EBF2: variants seen among roughly 807,000 people sequenced by gnomAD.
The protein encoded by EBF2 is EBF transcription factor 2, also known as transcription factor COE2.
In EBF2, 21 loss-of-function variants were observed where a neutral mutation model predicts 72.8. The observed-to-expected ratio is 0.29, with a 90% CI of 0.20 to 0.42. The LOEUF is 0.42. Ranked by LOEUF, EBF2 falls within the 10% of genes least tolerant of loss-of-function variation. EBF2 has a pLI of 1.00. For synonymous variants in EBF2, 299 were observed against 274.2 expected, an observed-to-expected ratio of 1.09 and a Z score of -0.89; for missense variants, 637 against 731.2, an observed-to-expected ratio of 0.87 and a Z score of 1.49.
intron 7 of EBF2, among the ~76,000 whole-genome samples, chr8:25,903,512 G>A (rs1017609204): frequency 6.7e-6 from 1 of 148,230 alleles, no homozygotes; most frequent in African/African-American, 2.5e-5. Flanking sequence ...TGGCTAACAC[G>A]GTGAAACCCC....
At chr8:25,857,266 TAG>T (rs1802112925) in intron 14 of EBF2, among the ~76,000 whole-genome samples, 1 of 152,004 alleles carries the variant, frequency 6.6e-6, no homozygotes, top group Non-Finnish European at 1.5e-5. Context: ...CCGTGTAGTG[TAG>T]AGTGTATGCA....
chr8:25,924,168 C>T (rs56260322), intron 6 of EBF2, among the ~76,000 whole-genome samples: 144 of 152,236 alleles, frequency 9.5e-4, no homozygotes, highest in African/African-American at 3.1e-3. Flanking sequence ...CATACAAGTC[C>T]CCTCACATAT....
At chr8:25,848,846 C>T (rs904247795) in intron 15 of EBF2, among the ~76,000 whole-genome samples, 4 of 152,072 alleles carry the variant, frequency 2.6e-5, no homozygotes, top group South Asian at 2.1e-4. Context: ...GGCCTCCACT[C>T]GGGTTAAGGT....
intron 4 of EBF2, 37 bp downstream of exon 4, chr8:26,040,579 A>G: frequency 6.5e-7 from 1 of 1,547,072 alleles, no homozygotes; most frequent in Non-Finnish European, 8.7e-7. Flanking sequence ...TCGGGGTCAG[A>G]GACAGGCGAA....
intron 7 of EBF2, among the ~76,000 whole-genome samples, chr8:25,897,469 G>A (rs569926211): frequency 1.3e-5 from 2 of 152,246 alleles, no homozygotes; most frequent in East Asian, 1.9e-4. Flanking sequence ...CACCCAGGTA[G>A]TGAGCATAAT....
chr8:25,884,785 A>T (rs1391847474), intron 10 of EBF2, among the ~76,000 whole-genome samples: 1 of 152,174 alleles, frequency 6.6e-6, no homozygotes, highest in Non-Finnish European at 1.5e-5. Context: ...AACACCTGAG[A>T]TGTGCTTATC....
intron 6 of EBF2, among the ~76,000 whole-genome samples, chr8:25,958,757 G>T (rs1027372252): frequency 6.6e-6 from 1 of 152,134 alleles, no homozygotes; most frequent in South Asian, 2.1e-4. Context: ...GTAGAACGGC[G>T]GCTTTCCCTT....
intron 6 of EBF2, among the ~76,000 whole-genome samples, chr8:26,018,980 A>G (rs1466942254): frequency 6.6e-6 from 1 of 151,052 alleles, no homozygotes; most frequent in Non-Finnish European, 1.5e-5. Flanking sequence ...AACACTGGGA[A>G]GGTATTAGGC....
rs530998978 is a variant in EBF2, at chr8:25,942,758, C to T, written c.552-34203G>A. Among the ~76,000 whole-genome samples, 57 of 152,256 alleles carry T rather than the reference C, an allele frequency of 3.7e-4. No homozygotes were observed. The South Asian group carries it at 6.8e-3, about 18-fold the overall frequency. ...CAAGGTGCAGAGCAGCTGTGAAAAC[C>T]GGAACAGCCTTCGTTCCTGCGGGCT... On this transcript the variant is annotated intron_variant, in intron 6 of 15. Transcript: ENST00000520164.
intron 6 of EBF2, among the ~76,000 whole-genome samples, chr8:25,954,056 G>A (rs1563411992): frequency 1.3e-5 from 2 of 152,124 alleles, no homozygotes; most frequent in Non-Finnish European, 2.9e-5. Context: ...GTTACACAGT[G>A]CAGAGACTCG....
chr8:25,866,461 A>T (rs990278535), intron 10 of EBF2, among the ~76,000 whole-genome samples: 10 of 142,382 alleles, frequency 7.0e-5, no homozygotes, highest in East Asian at 5.9e-4. Flanking sequence ...TATATATATA[A>T]TATATAGGAT....
intron 6 of EBF2, among the ~76,000 whole-genome samples, chr8:26,026,037 G>A (rs781021963): frequency 1.4e-4 from 22 of 152,048 alleles, no homozygotes; most frequent in Non-Finnish European, 2.5e-4. Flanking sequence ...AAGATAGCCC[G>A]GCATAGTGGC....
chr8:25,959,809 G>T (rs150559552), intron 6 of EBF2, among the ~76,000 whole-genome samples: 1 of 152,160 alleles, frequency 6.6e-6, no homozygotes, highest in East Asian at 1.9e-4. Context: ...AAAATGGAAG[G>T]GCTTACAGTC....
At chr8:25,985,825 C>A (rs927011649) in intron 6 of EBF2, among the ~76,000 whole-genome samples, 1 of 147,132 alleles carries the variant, frequency 6.8e-6, no homozygotes, top group African/African-American at 2.5e-5. Flanking sequence ...CACAGAGAGA[C>A]CCCCCATCTC....
intron 6 of EBF2, among the ~76,000 whole-genome samples, chr8:26,018,756 C>A (rs1466244387): frequency 4.0e-5 from 6 of 151,860 alleles, no homozygotes; most frequent in Non-Finnish European, 5.9e-5. Context: ...TAGTTGGTAG[C>A]ACTTCTCATG....
intron 6 of EBF2, among the ~76,000 whole-genome samples, chr8:26,015,197 A>G (rs1422379349): frequency 6.6e-6 from 1 of 152,200 alleles, no homozygotes; most frequent in Non-Finnish European, 1.5e-5. Context: ...GTAGGCCAAG[A>G]AAATAATAGT....
intron 6 of EBF2, among the ~76,000 whole-genome samples, chr8:25,925,080 C>A (rs960666798): frequency 6.6e-6 from 1 of 152,190 alleles, no homozygotes; most frequent in African/African-American, 2.4e-5. Context: ...AGCTCCCCAG[C>A]AGCTCTGTGA....
chr8:25,938,306 A>G (rs531016518), intron 6 of EBF2, among the ~76,000 whole-genome samples: 1 of 150,924 alleles, frequency 6.6e-6, no homozygotes, highest in African/African-American at 2.4e-5. Flanking sequence ...TATTTTTCAG[A>G]TGCCTTTCTC....
At chr8:25,996,910 T>C (rs1804642924) in intron 6 of EBF2, among the ~76,000 whole-genome samples, 1 of 151,988 alleles carries the variant, frequency 6.6e-6, no homozygotes, top group Non-Finnish European at 1.5e-5. Flanking sequence ...CGTATAATCA[T>C]GTGCTAATAA....
Sources: allele counts gnomAD v4.1 joint callset (sites outside exome capture counted in the v4.1 genomes callset), GRCh38; gene constraint gnomAD v4.1.1; transcripts MANE v1.5; gene names NCBI Gene and HGNC (gene_info 2026-07-23, HGNC 2026-07-21).